The following ELF2 variants were observed in gnomAD, a reference collection of about 807,000 sequenced individuals.
ELF2 encodes the protein ETS-related transcription factor Elf-2.
A neutral mutation model predicts 54.8 loss-of-function variants in ELF2; 11 were observed. The observed-to-expected ratio is 0.20, with a 90% CI of 0.13 to 0.33. ELF2 has a LOEUF of 0.33. ELF2 is among the 10% of genes least tolerant of loss of function. The pLI is 1.00. For synonymous variants in ELF2, 203 were observed against 245.1 expected, an observed-to-expected ratio of 0.83 and a Z score of 1.61; for missense variants, 513 against 703.0, an observed-to-expected ratio of 0.73 and a Z score of 3.06.
At position 139,060,336 on chromosome 4, in the gene ELF2, G is replaced by A; in HGVS notation, c.1145C>T (p.Thr382Ile). The A allele has an allele frequency of 6.3e-7, 1 of 1,599,084 alleles. No individual in the cohort carries two copies. Among genetic ancestry groups the A allele is most frequent in the South Asian group, 1.1e-5 (1 of 89,086 alleles). Residue 382 changes from threonine to isoleucine, a missense_variant, in exon 9 of 10, where the codon ACA (threonine) becomes ATA (isoleucine). Physicochemically the swap from Thr to Ile is moderately conservative, Grantham distance 89. This residue lies in a region of ELF2 where 291 missense variants were observed against 366.1 expected (regional missense o/e 0.79). Coordinates refer to ENST00000686138, the MANE Select transcript of ELF2 (RefSeq NM_001331036.3). ...SPTTTASVSA[T>I]AAPRTVRVAM... ...TTGCTTCACTTACCTTGGAGCTGCT[G>A]TTGCTGACACAGATGCAGTGGTAGT...
intron 1 of ELF2, among the ~76,000 whole-genome samples, chr4:139,151,094 A>AAGAAAG (rs1179118074): frequency 2.0e-5 from 3 of 147,650 alleles, no homozygotes; most frequent in African/African-American, 7.4e-5. Flanking sequence ...GAAAGAAAGA[A>AAGAAAG]AAAGAGAGCT....
intron 4 of ELF2, chr4:139,100,276 T>G (rs914521370): frequency 5.3e-5 from 8 of 151,902 alleles, no homozygotes; most frequent in Non-Finnish European, 1.2e-4. Flanking sequence ...AGAGCTGTCT[T>G]TTTTTTTCCT....
In ELF2 at chr4:139,147,548, G is replaced by A. The variant is rs181187106; in HGVS notation, c.-251-8051C>T. 4.4e-3 allele frequency among the ~76,000 whole-genome samples: 662 copies of A among 150,346 alleles called. 7 individuals are homozygous for A. Among genetic ancestry groups the A allele is most frequent in the African/African-American group, 0.015 (615 of 40,926 alleles). On this transcript the variant is annotated intron_variant, in intron 1 of 9. Coordinates refer to ENST00000686138, the MANE Select transcript of ELF2 (RefSeq NM_001331036.3). Reference sequence around the variant, plus strand: ...GAGCAGTGGCGCGATCTCGGCTCACGGCAACCTCCTTCCCCTGGCTTCAAG... The same window carrying A: ...GAGCAGTGGCGCGATCTCGGCTCACAGCAACCTCCTTCCCCTGGCTTCAAG...
intron 1 of ELF2, among the ~76,000 whole-genome samples, chr4:139,149,129 G>A (rs1739578918): frequency 2.0e-5 from 3 of 152,068 alleles, no homozygotes; most frequent in African/African-American, 7.2e-5. Flanking sequence ...GGTAAGAAAA[G>A]CAAATAAACG....
intron 3 of ELF2, among the ~76,000 whole-genome samples, chr4:139,128,524 CTT>C (rs572395535): frequency 3.5e-4 from 49 of 139,770 alleles, no homozygotes; most frequent in Non-Finnish European, 3.6e-4. Flanking sequence ...TATTTTTTTG[CTT>C]TTTTTTTTTT....
Position 139,177,091 on chromosome 4 carries a change from T to C in ELF2, c.-376A>G. ...GGGCCTCCCCAGCAGCCCGAGCCGC[T>C]CCACAGGGAGAGAAGGAGACAAAAC... is the stretch of plus-strand genomic sequence containing the variant. On this transcript the variant is annotated 5_prime_UTR_variant, in exon 1 of 10. Transcript: ENST00000686138. 1 of 151,656 alleles carries C rather than the reference T, an allele frequency of 6.6e-6. No individual in the cohort carries two copies. Among genetic ancestry groups the C allele is most frequent in the Non-Finnish European group, 1.5e-5 (1 of 67,956 alleles). The allele number at this position is 151,656 out of a possible 1,614,324, so 9.4% of individuals were successfully genotyped here. A position where few individuals can be genotyped will look rare whatever the true frequency, so the allele number is the denominator to read the frequency against.
chr4:139,067,828 G>A (rs910814502), intron 6 of ELF2, 58 bp from the exon 7 acceptor site: 28 of 1,469,062 alleles, frequency 1.9e-5, no homozygotes, highest in Middle Eastern at 1.8e-4. Context: ...TGAGAGGCAC[G>A]ATTAGCAGAC....
At position 139,168,758 on chromosome 4, in the gene ELF2, G is replaced by A. The variant is rs575435077; in HGVS notation, c.-252+8209C>T. Among the ~76,000 whole-genome samples the A allele has an allele frequency of 3.3e-5, 5 of 152,196 alleles. No homozygotes were observed. In the East Asian group the frequency reaches 9.7e-4, roughly 29 times the overall value. ...TGTTTTATTTGTTTTTTTAGAGACA[G>A]GGTCTCACCATGTTGCCCAGGTGGG... On this transcript the variant is annotated intron_variant, in intron 1 of 9. Coordinates refer to ENST00000686138, the MANE Select transcript of ELF2 (RefSeq NM_001331036.3).
chr4:139,107,967 A>G (rs1378292733), intron 4 of ELF2, among the ~76,000 whole-genome samples: 1 of 147,816 alleles, frequency 6.8e-6, no homozygotes. Context: ...GGAGAAGAGA[A>G]AAAAAAAAAG....
Position 139,059,036 on chromosome 4 carries a change from T to C in ELF2, c.1729A>G (p.Ile577Val), listed in dbSNP as rs370530767. 6.1e-5 allele frequency: 99 copies of C among 1,613,884 alleles called. No individual in the cohort carries two copies. In the African/African-American group the frequency reaches 7.3e-4, roughly 12 times the overall value. Residue 577 changes from isoleucine to valine, a missense_variant, in exon 10 of 10, where the codon ATT becomes GTT. Physicochemically the swap from Ile to Val is conservative, Grantham distance 29. This residue lies in a region of ELF2 where 291 missense variants were observed against 366.1 expected (regional missense o/e 0.79). Transcript: ENST00000686138. ...HVVVVSAPSA[I>V]ALPVTMKTEG... The stretch of plus-strand genomic sequence containing the variant: ...GTTTTCATAGTTACAGGAAGGGCAA[T>C]AGCTGAAGGCGCACTGACAACCACT...
At chr4:139,084,274 C>CGGAG in intron 4 of ELF2, 1 of 1,603,410 alleles carries the variant, frequency 6.2e-7, no homozygotes, top group South Asian at 1.1e-5. Flanking sequence ...AACCCGCGGC[C>CGGAG]GGAGACACAC....
intron 4 of ELF2, among the ~76,000 whole-genome samples, chr4:139,099,481 A>C (rs1167740751): frequency 6.6e-6 from 1 of 152,192 alleles, no homozygotes; most frequent in African/African-American, 2.4e-5. Context: ...AAACTTCCTA[A>C]ATACATGAAT....
intron 4 of ELF2, among the ~76,000 whole-genome samples, chr4:139,075,942 A>G (rs1730259462): frequency 6.6e-6 from 1 of 152,168 alleles, no homozygotes; most frequent in African/African-American, 2.4e-5. Context: ...AAAGGAACTA[A>G]AAGTAAATGT....
chr4:139,120,943 T>G (rs1202425843), intron 4 of ELF2, among the ~76,000 whole-genome samples: 2 of 152,096 alleles, frequency 1.3e-5, no homozygotes, highest in Non-Finnish European at 2.9e-5. Context: ...CTACCTCCTA[T>G]TTGTCCACCT....
intron 1 of ELF2, chr4:139,155,204 AT>A (rs1197144190): frequency 6.6e-6 from 1 of 152,382 alleles, no homozygotes; most frequent in East Asian, 1.9e-4. Flanking sequence ...AGGCAGGAGG[AT>A]TGCTTGAGTC....
intron 3 of ELF2, among the ~76,000 whole-genome samples, chr4:139,131,995 T>C (rs948493697): frequency 5.3e-5 from 8 of 152,170 alleles, no homozygotes; most frequent in African/African-American, 1.9e-4. Flanking sequence ...TCTGATTCCA[T>C]TTATATATTT....
At chr4:139,141,563 AG>A (rs1164023723) in intron 1 of ELF2, among the ~76,000 whole-genome samples, 85 of 152,336 alleles carry the variant, frequency 5.6e-4, no homozygotes, top group Admixed American at 5.6e-3. Context: ...AGGAAATTCT[AG>A]GATCAAATAT....
intron 1 of ELF2, among the ~76,000 whole-genome samples, chr4:139,167,866 T>G (rs1301346135): frequency 6.6e-6 from 1 of 152,136 alleles, no homozygotes; most frequent in Non-Finnish European, 1.5e-5. Flanking sequence ...TGTAGACAGG[T>G]TTTCCCAAGA....
chr4:139,109,237 G>A (rs1734719862), intron 4 of ELF2, among the ~76,000 whole-genome samples: 1 of 151,808 alleles, frequency 6.6e-6, no homozygotes, highest in African/African-American at 2.4e-5. Context: ...GACAACTTGG[G>A]GTCTGGCCAG....
Sources: allele counts gnomAD v4.1 joint callset (sites outside exome capture counted in the v4.1 genomes callset), GRCh38; gene constraint gnomAD v4.1.1; regional missense constraint gnomAD v4.1.1; transcripts MANE v1.5; gene names NCBI Gene and HGNC (gene_info 2026-07-23, HGNC 2026-07-21).